The following SYBU variants were observed in gnomAD, a reference collection of about 807,000 sequenced individuals.
SYBU encodes the protein syntabulin, also known as GOLSYN A protein.
A neutral mutation model predicts 35.9 loss-of-function variants in SYBU; 21 were observed. The observed-to-expected ratio is 0.58, with a 90% CI of 0.41 to 0.84. The LOEUF (loss-of-function observed/expected upper bound fraction) is 0.84, where lower values mean the gene tolerates loss of function less well. Ranked by LOEUF, SYBU falls within the 40% of genes least tolerant of loss-of-function variation. The probability of loss-of-function intolerance (pLI) is 0.00; values close to 1 mark genes in which losing one functional copy is unlikely to be tolerated. For synonymous variants in SYBU, 319 were observed against 324.3 expected (o/e 0.98, Z 0.18); for missense variants, 768 against 848.2 (o/e 0.91, Z 1.17).
chr8:109,574,766 C>T lies in SYBU; in HGVS notation c.*140G>A, dbSNP rs1822013048. ...CCTCCGGTTTTAAACAGTGAACAGG[C>T]TTCAACTAAATATAGTGCAAATCAA... On this transcript the variant is annotated 3_prime_UTR_variant, in exon 7 of 7. Transcript: ENST00000276646. 9.6e-6 allele frequency: 9 copies of T among 933,752 alleles called. No homozygotes were observed. Among genetic ancestry groups the T allele is most frequent in the Non-Finnish European group, 1.1e-5 (7 of 654,586 alleles). 57.8% of individuals were successfully genotyped at this position (933,752 alleles called of 1,614,324 possible).
At chr8:109,668,768 A>G (rs1198849874) in intron 1 of SYBU, among the ~76,000 whole-genome samples, 1 of 152,246 alleles carries the variant, frequency 6.6e-6, no homozygotes, top group East Asian at 1.9e-4. Context: ...TTCAAACTTG[A>G]CAGTCCTTCA....
At position 109,575,272 on chromosome 8, in the gene SYBU, A is replaced by G. The variant is rs905942879; in HGVS notation, c.1626T>C (p.Asp542=). Residue 542 remains aspartate (D), a synonymous_variant, in exon 7 of 7, where the codon GAT becomes GAC. Coordinates refer to ENST00000276646, the MANE Select transcript of SYBU (RefSeq NM_001099754.2). ...FPESLSALVV[D]LTPRNPNSAI... ...CTGAGTTTGGATTTCTTGGAGTTAA[A>G]TCAACCACTAAGGCAGAGAGGGACT... 6.2e-7 allele frequency: 1 copy of G among 1,614,172 alleles called. No individual in the cohort carries two copies. Among genetic ancestry groups the G allele is most frequent in the Non-Finnish European group, 8.5e-7 (1 of 1,180,026 alleles).
At chr8:109,672,518 C>T (rs1586987392) in intron 1 of SYBU, among the ~76,000 whole-genome samples, 1 of 152,234 alleles carries the variant, frequency 6.6e-6, no homozygotes, top group East Asian at 1.9e-4. Context: ...ATGCTTTTCC[C>T]ATGGTCTTCA....
At chr8:109,613,421 A>C (rs1043301924) in intron 3 of SYBU, among the ~76,000 whole-genome samples, 1 of 152,222 alleles carries the variant, frequency 6.6e-6, no homozygotes. Context: ...TGCAGAACAC[A>C]GAGTCTCAAG....
chr8:109,634,211 C>G lies in SYBU; in HGVS notation c.229+8517G>C, dbSNP rs147386358. Among the ~76,000 whole-genome samples the G allele has an allele frequency of 5.3e-5, 8 of 152,282 alleles. No individual in the cohort carries two copies. The East Asian group carries it at 5.8e-4, about 11-fold the overall frequency. On this transcript the variant is annotated intron_variant, in intron 2 of 6. Transcript: ENST00000276646. ...TTTTGCCATTTTATGCTTTGCTTCT[C>G]AAACTCCTACACAACCTTCAAAACC...
At chr8:109,589,784 T>A (rs906622467) in intron 3 of SYBU, among the ~76,000 whole-genome samples, 1 of 152,248 alleles carries the variant, frequency 6.6e-6, no homozygotes, top group African/African-American at 2.4e-5. Flanking sequence ...GCCTGTAATC[T>A]GGTCTCTTAG....
At chr8:109,583,223 T>C (rs1823238055) in intron 4 of SYBU, among the ~76,000 whole-genome samples, 1 of 152,146 alleles carries the variant, frequency 6.6e-6, no homozygotes, top group Non-Finnish European at 1.5e-5. Flanking sequence ...ACACATATCA[T>C]CTCATTTAAC....
intron 1 of SYBU, chr8:109,644,113 G>C: frequency 2.2e-6 from 1 of 457,310 alleles, no homozygotes; most frequent in Non-Finnish European, 4.4e-6. Context: ...AAATTGAAGG[G>C]TAAACCTCAG....
intron 1 of SYBU, among the ~76,000 whole-genome samples, chr8:109,659,132 G>A (rs890975566): frequency 2.0e-5 from 3 of 152,120 alleles, no homozygotes; most frequent in Non-Finnish European, 4.4e-5. Context: ...TTCCAGTAAC[G>A]ATGAAAAAGA....
chr8:109,577,191 A>ACT (rs1213110647), intron 6 of SYBU, among the ~76,000 whole-genome samples: 3 of 151,924 alleles, frequency 2.0e-5, no homozygotes, highest in African/African-American at 7.3e-5. Context: ...GGTAGCCCAG[A>ACT]CTCTTAGAGA....
chr8:109,657,860 T>G (rs1300109459), intron 1 of SYBU, among the ~76,000 whole-genome samples: 1 of 152,250 alleles, frequency 6.6e-6, no homozygotes, highest in African/African-American at 2.4e-5. Context: ...GTTGGCCATA[T>G]ATTTATACTC....
intron 3 of SYBU, among the ~76,000 whole-genome samples, chr8:109,586,728 T>C (rs532418682): frequency 2.6e-4 from 39 of 152,328 alleles, no homozygotes; most frequent in African/African-American, 5.3e-4. Context: ...TTTTGGTTTT[T>C]CTTTAAAGAA....
At chr8:109,590,334 C>T (rs184672253) in intron 3 of SYBU, among the ~76,000 whole-genome samples, 63 of 151,924 alleles carry the variant, frequency 4.1e-4, no homozygotes, top group Non-Finnish European at 8.1e-4. Flanking sequence ...CTTTCCTGAA[C>T]CCCGTATAGG....
intron 1 of SYBU, among the ~76,000 whole-genome samples, chr8:109,657,323 G>T (rs962264515): frequency 3.9e-5 from 6 of 152,160 alleles, no homozygotes; most frequent in Non-Finnish European, 8.8e-5. Context: ...TACAGAGGAG[G>T]TTTGAGCAGA....
At chr8:109,590,739 C>T (rs1321852120) in intron 3 of SYBU, among the ~76,000 whole-genome samples, 5 of 147,254 alleles carry the variant, frequency 3.4e-5, no homozygotes, top group Non-Finnish European at 1.5e-5. Context: ...GGTTAATCTC[C>T]TTAATTTACC....
At chr8:109,602,224 G>A (rs1825610301) in intron 3 of SYBU, among the ~76,000 whole-genome samples, 1 of 152,108 alleles carries the variant, frequency 6.6e-6, no homozygotes, top group Admixed American at 6.5e-5. Context: ...TATGCCATAT[G>A]CTTGACTGCA....
At chr8:109,684,053 T>C (rs1381859282), upstream of SYBU, among the ~76,000 whole-genome samples, 1 of 152,176 alleles carries the variant, frequency 6.6e-6, no homozygotes, top group African/African-American at 2.4e-5. Context: ...TTATTACTAG[T>C]GTGAGAACAA....
At chr8:109,585,609 G>C (rs1823518343) in intron 4 of SYBU, 1 of 156,984 alleles carries the variant, frequency 6.4e-6, no homozygotes. Context: ...TAAATGCTGG[G>C]AGTGGTCAGG....
At chr8:109,684,732 T>G (rs1303102814), upstream of SYBU, among the ~76,000 whole-genome samples, 1 of 152,172 alleles carries the variant, frequency 6.6e-6, no homozygotes, top group Admixed American at 6.5e-5. Flanking sequence ...CTTTCCAACT[T>G]AGGGTAGAGG....
Sources: allele counts gnomAD v4.1 joint callset (sites outside exome capture counted in the v4.1 genomes callset), GRCh38; gene constraint gnomAD v4.1.1; transcripts MANE v1.5; gene names NCBI Gene and HGNC (gene_info 2026-07-23, HGNC 2026-07-21).